The following RAPGEF4 variants were observed in gnomAD, a reference collection of about 807,000 sequenced individuals.
RAPGEF4 encodes the protein RAP guanine-nucleotide-exchange factor (GEF) 4.
RAPGEF4 carries 66 observed loss-of-function variants against 147.9 expected under a neutral mutation model. The observed-to-expected ratio is 0.45, with a 90% CI of 0.37 to 0.55. The LOEUF is 0.55. RAPGEF4 is among the 20% of genes least tolerant of loss of function. The pLI, the probability that RAPGEF4 is intolerant of heterozygous loss-of-function variation, is 0.00. For missense variants in RAPGEF4, 1,071 were observed against 1,257.3 expected (o/e 0.85, Z 2.24); for synonymous variants, 419 against 442.7 (o/e 0.95, Z 0.67).
chr2:172,824,115 A>G (rs1184566746), intron 4 of RAPGEF4, among the ~76,000 whole-genome samples: 2 of 152,238 alleles, frequency 1.3e-5, no homozygotes, highest in African/African-American at 4.8e-5. Flanking sequence ...GCAGTAGTTC[A>G]TATTGTATCA....
intron 10 of RAPGEF4, among the ~76,000 whole-genome samples, chr2:172,971,180 G>A (rs929749221): frequency 6.6e-6 from 1 of 152,200 alleles, no homozygotes; most frequent in African/African-American, 2.4e-5. Context: ...GGTAAACAGA[G>A]TATTGTAAAC....
intron 8 of RAPGEF4, among the ~76,000 whole-genome samples, chr2:172,962,398 A>G (rs184210912): frequency 1.4e-4 from 21 of 152,316 alleles, no homozygotes; most frequent in Middle Eastern, 3.4e-3. Flanking sequence ...CATGTCTTCT[A>G]CCAACTATGA....
chr2:172,770,474 C>T (rs1697246470), intron 1 of RAPGEF4, among the ~76,000 whole-genome samples: 2 of 152,212 alleles, frequency 1.3e-5, no homozygotes, highest in Admixed American at 1.3e-4. Flanking sequence ...AAAGTGAGTA[C>T]ATTGATGGGC....
intron 6 of RAPGEF4, among the ~76,000 whole-genome samples, chr2:172,930,968 A>G (rs1275386440): frequency 6.6e-6 from 1 of 152,172 alleles, no homozygotes; most frequent in Non-Finnish European, 1.5e-5. Context: ...CTCCAAAGAC[A>G]TTAGTATGAC....
intron 4 of RAPGEF4, among the ~76,000 whole-genome samples, chr2:172,822,847 AGCCTGCCCTTCTCAATAGCT>A (rs1396966773): frequency 6.6e-6 from 1 of 152,210 alleles, no homozygotes; most frequent in Non-Finnish European, 1.5e-5. Flanking sequence ...GCTACTGAGC[AGCCTGCCCTTCTCAATAGCT>A]GCTCACCTCA....
intron 17 of RAPGEF4, among the ~76,000 whole-genome samples, chr2:173,007,577 T>C (rs1694606965): frequency 2.6e-5 from 4 of 152,210 alleles, no homozygotes; most frequent in Admixed American, 1.3e-4. Context: ...TTCAGATACA[T>C]GTTTTACCTG....
At chr2:172,934,443 G>A (rs1168766370) in intron 6 of RAPGEF4, among the ~76,000 whole-genome samples, 3 of 152,020 alleles carry the variant, frequency 2.0e-5, no homozygotes, top group Non-Finnish European at 4.4e-5. Flanking sequence ...GAGCCACCAC[G>A]CCCAGCCCTA....
chr2:172,965,459 A>G, intron 8 of RAPGEF4, 103 bp from the exon 9 acceptor site: 1 of 1,303,854 alleles, frequency 7.7e-7, no homozygotes, highest in Non-Finnish European at 1.1e-6. Flanking sequence ...TTCTGGTAGG[A>G]GATCATTAAG....
chr2:172,757,623 T>C (rs1026565359), intron 1 of RAPGEF4, among the ~76,000 whole-genome samples: 1 of 152,238 alleles, frequency 6.6e-6, no homozygotes, highest in East Asian at 1.9e-4. Context: ...ATAATACAAG[T>C]GCATGTATTT....
intron 9 of RAPGEF4, among the ~76,000 whole-genome samples, 162 bp downstream of exon 9, chr2:172,965,845 A>T (rs1047362957): frequency 2.0e-5 from 3 of 152,252 alleles, no homozygotes; most frequent in East Asian, 1.9e-4. Context: ...CAGCAAGTAG[A>T]TGCTATTGAT....
intron 6 of RAPGEF4, among the ~76,000 whole-genome samples, chr2:172,923,047 C>T (rs1346626069): frequency 1.3e-5 from 2 of 152,296 alleles, no homozygotes; most frequent in South Asian, 2.1e-4. Context: ...CAAGTGGCAA[C>T]GTTACAGGAT....
At chr2:172,845,594 G>A (rs558172636) in intron 4 of RAPGEF4, among the ~76,000 whole-genome samples, 1 of 152,310 alleles carries the variant, frequency 6.6e-6, no homozygotes, top group South Asian at 2.1e-4. Flanking sequence ...TGGTACTGGG[G>A]AATGGAATTG....
chr2:172,957,363 C>A lies in RAPGEF4; in HGVS notation c.538-3397C>A, dbSNP rs539350037. ...TCTCAAAAGAAACTTTACTTGAAAA[C>A]CAAGGGAAACCAAAAAGGAAGTAAA... On this transcript the variant is annotated intron_variant, in intron 6 of 30. Transcript: ENST00000397081. 4.6e-5 allele frequency among the ~76,000 whole-genome samples: 7 copies of A among 152,168 alleles called. No homozygotes were observed. The East Asian group carries it at 1.3e-3, about 29-fold the overall frequency.
At chr2:173,008,551 TA>T (rs1394362316) in intron 17 of RAPGEF4, among the ~76,000 whole-genome samples, 1 of 152,200 alleles carries the variant, frequency 6.6e-6, no homozygotes, top group African/African-American at 2.4e-5. Context: ...AGCAGGGTTT[TA>T]AAAAACAACA....
At chr2:172,761,670 G>A (rs1478415284) in intron 1 of RAPGEF4, among the ~76,000 whole-genome samples, 1 of 152,198 alleles carries the variant, frequency 6.6e-6, no homozygotes, top group Non-Finnish European at 1.5e-5. Context: ...CAGGGAGAAA[G>A]AAGGAACATG....
intron 6 of RAPGEF4, among the ~76,000 whole-genome samples, chr2:172,923,164 G>T (rs190337524): frequency 6.6e-6 from 1 of 152,126 alleles, no homozygotes; most frequent in Non-Finnish European, 1.5e-5. Context: ...TCAGTCTCTG[G>T]CTTGCTTTAG....
At chr2:172,998,650 C>T (rs1693602452) in intron 16 of RAPGEF4, among the ~76,000 whole-genome samples, 1 of 152,148 alleles carries the variant, frequency 6.6e-6, no homozygotes, top group African/African-American at 2.4e-5. Context: ...AGAAAAGTTA[C>T]TCCATATTTA....
At chr2:173,018,595 A>G in intron 21 of RAPGEF4, 61 bp from the exon 22 acceptor site, 1 of 1,522,346 alleles carries the variant, frequency 6.6e-7, no homozygotes, top group South Asian at 1.3e-5. Flanking sequence ...ATTTTTCATA[A>G]CTATAGTTTT....
chr2:172,849,408 T>C (rs1216965260), intron 4 of RAPGEF4, among the ~76,000 whole-genome samples: 1 of 152,190 alleles, frequency 6.6e-6, no homozygotes, highest in Non-Finnish European at 1.5e-5. Flanking sequence ...AGAAGGCAAA[T>C]CTCAAATAGG....
Sources: gnomAD v4.1 joint callset for allele counts (sites outside exome capture counted in the v4.1 genomes callset) on GRCh38, gnomAD v4.1.1 for gene constraint, MANE v1.5 for transcripts, NCBI Gene and HGNC (gene_info 2026-07-23, HGNC 2026-07-21) for gene names.